Variants in ETV5 observed in about 807,000 individuals in gnomAD.
ETV5 encodes ETS translocation variant 5.
A neutral mutation model predicts 70.0 loss-of-function variants in ETV5; 10 were observed. That is an observed-to-expected ratio of 0.14 (90% CI 0.09 to 0.24). The LOEUF (loss-of-function observed/expected upper bound fraction) is 0.24. ETV5 is among the 10% of genes least tolerant of loss of function. The pLI is 1.00. For synonymous variants in ETV5, 216 were observed against 242.2 expected, an observed-to-expected ratio of 0.89 and a Z score of 1.01; for missense variants, 453 against 651.2, an observed-to-expected ratio of 0.70 and a Z score of 3.31.
At chr3:186,055,189 G>A (rs2150141735) in intron 11 of ETV5, among the ~76,000 whole-genome samples, 1 of 152,286 alleles carries the variant, frequency 6.6e-6, no homozygotes, top group Admixed American at 6.5e-5. Flanking sequence ...GCAGCTGGAC[G>A]GCCTGTGCTT....
At chr3:186,075,560 C>A (rs562477641) in intron 7 of ETV5, among the ~76,000 whole-genome samples, 1 of 152,284 alleles carries the variant, frequency 6.6e-6, no homozygotes, top group South Asian at 2.1e-4. Context: ...GAAAACTTAG[C>A]CCATCCCTTT....
chr3:186,048,873 A>T lies in ETV5; in HGVS notation c.1312-13T>A. The T allele has an allele frequency of 6.2e-7, 1 of 1,607,600 alleles. No homozygotes were observed. Among genetic ancestry groups the T allele is most frequent in the Non-Finnish European group, 8.5e-7 (1 of 1,175,084 alleles). ...GCTCTCCAGCCACCTGCGGGAGAAC[A>T]CACACCTTACAGGGCCCAGTTGGAA... On this transcript the variant is annotated splice_polypyrimidine_tract_variant and intron_variant, in intron 12 of 12. Transcript: ENST00000306376.
At chr3:186,094,351 C>T (rs1714254215) in intron 5 of ETV5, among the ~76,000 whole-genome samples, 2 of 152,154 alleles carry the variant, frequency 1.3e-5, no homozygotes, top group Non-Finnish European at 2.9e-5. Flanking sequence ...ATTCTCGGGA[C>T]AAAATTGCCT....
intron 7 of ETV5, among the ~76,000 whole-genome samples, chr3:186,071,812 C>T (rs569449572): frequency 2.5e-4 from 37 of 150,316 alleles, no homozygotes; most frequent in African/African-American, 8.0e-4. Flanking sequence ...ACCGTTTCAC[C>T]GTTGACATGG....
rs184522009 is a variant in ETV5, at chr3:186,048,733, G to T, written c.1439C>A (p.Thr480Asn). The change falls in exon 13 of 13, where the codon ACC (threonine) becomes AAC (asparagine). Residue 480 changes from threonine (T) to asparagine (N), a missense_variant. By Grantham distance (65) the Thr-to-Asn change is moderately conservative. This residue lies in a region of ETV5 where 74 missense variants were observed against 95.2 expected (regional missense o/e 0.78). Coordinates refer to ENST00000306376, the MANE Select transcript of ETV5 (RefSeq NM_004454.3). ...ESECHLSEED[T>N]LPLTHFEDSP... is the part of the protein sequence containing the mutation. ...GTCTTCAAAGTGGGTCAGCGGCAGG[G>T]TGTCCTCCTCGCTGAGGTGGCACTC... is the stretch of plus-strand genomic sequence containing the variant. 9.9e-6 allele frequency: 16 copies of T among 1,614,164 alleles called. No individual in the cohort carries two copies. In the Admixed American group the frequency reaches 2.5e-4, roughly 25 times the overall value.
At chr3:186,097,800 T>C (rs144176097) in intron 5 of ETV5, among the ~76,000 whole-genome samples, 2 of 152,346 alleles carry the variant, frequency 1.3e-5, no homozygotes, top group East Asian at 3.9e-4. Flanking sequence ...TTGGAGGCTC[T>C]CCAAGCTGCC....
intron 5 of ETV5, 71 bp from the exon 6 acceptor site, chr3:186,081,246 T>TG: frequency 2.0e-6 from 3 of 1,466,610 alleles, no homozygotes; most frequent in Non-Finnish European, 2.8e-6. Flanking sequence ...CAATGCTTCC[T>TG]TCTGCAAACC....
At chr3:186,053,407 G>A (rs781637753) in intron 11 of ETV5, among the ~76,000 whole-genome samples, 21 of 152,112 alleles carry the variant, frequency 1.4e-4, no homozygotes, top group African/African-American at 9.7e-5. Context: ...CGGCCCCTTC[G>A]ATATTTTAAA....
At chr3:186,085,866 ACT>A (rs1441119732) in intron 5 of ETV5, among the ~76,000 whole-genome samples, 1 of 151,590 alleles carries the variant, frequency 6.6e-6, no homozygotes, top group Non-Finnish European at 1.5e-5. Context: ...AAAAGATCTC[ACT>A]CTCCCTTCTA....
intron 7 of ETV5, among the ~76,000 whole-genome samples, chr3:186,069,649 C>T (rs931499931): frequency 3.3e-5 from 5 of 151,976 alleles, no homozygotes; most frequent in South Asian, 2.1e-4. Context: ...GTTCTCCTGC[C>T]GCAGCCTCCC....
chr3:186,048,531 A>C lies in ETV5; in HGVS notation c.*108T>G, dbSNP rs1036413190. The C allele has an allele frequency of 8.8e-6, 9 of 1,020,844 alleles. No individual in the cohort carries two copies. In the Admixed American group the frequency reaches 1.6e-4, roughly 18 times the overall value. 63.2% of individuals were successfully genotyped at this position (1,020,844 alleles called of 1,614,324 possible). A position where few individuals can be genotyped will look rare whatever the true frequency, so the allele number is the denominator to read the frequency against. On this transcript the variant is annotated 3_prime_UTR_variant, in exon 13 of 13. Coordinates refer to ENST00000306376, the MANE Select transcript of ETV5 (RefSeq NM_004454.3). ...AGCTTGGGTTCTCCAGATAATACTC[A>C]AAGGGCAAGCTTTAGGAACAACCAA...
Position 186,105,554 on chromosome 3 carries a change from A to C in ETV5, c.134-58T>G. The C allele has an allele frequency of 3.7e-6, 6 of 1,612,380 alleles. No homozygotes were observed. The highest frequency in any genetic ancestry group is 5.1e-6 in the Non-Finnish European group (6 of 1,178,456). Reference sequence around the variant, plus strand: ...ATATTTCTTTCGCTAGGGAGAAGACAGGGAAGAATCTACACGCTACTGTCA... The same window carrying C: ...ATATTTCTTTCGCTAGGGAGAAGACCGGGAAGAATCTACACGCTACTGTCA... On this transcript the variant is annotated intron_variant, in intron 3 of 12. Transcript: ENST00000306376. The surrounding 1 kb of genome is among the most constrained non-coding windows in gnomAD (Gnocchi z 4.5).
At chr3:186,080,150 A>T (rs768610720) in intron 6 of ETV5, 46 bp from the exon 7 acceptor site, 5 of 1,425,588 alleles carry the variant, frequency 3.5e-6, no homozygotes, top group Non-Finnish European at 9.2e-7. Flanking sequence ...AAATGAAGCC[A>T]TTAGCATGGT....
chr3:186,050,214 CA>C (rs371188244), intron 12 of ETV5, among the ~76,000 whole-genome samples: 77 of 152,248 alleles, frequency 5.1e-4, no homozygotes, highest in African/African-American at 1.7e-3. Context: ...TGACTTTCCT[CA>C]AATCATACAG....
intron 5 of ETV5, chr3:186,095,323 A>G (rs1032721232): frequency 1.3e-5 from 2 of 152,158 alleles, no homozygotes; most frequent in Non-Finnish European, 2.9e-5. Context: ...CCTGAAAGGA[A>G]AAAAAATTGC....
intron 7 of ETV5, chr3:186,079,444 T>C (rs757518909): frequency 3.9e-6 from 1 of 254,418 alleles, no homozygotes; most frequent in Non-Finnish European, 7.5e-6. Flanking sequence ...GAAATGGTAA[T>C]AACTGAAGTT....
At chr3:186,098,744 C>T (rs909912861) in intron 5 of ETV5, among the ~76,000 whole-genome samples, 52 of 152,200 alleles carry the variant, frequency 3.4e-4, no homozygotes, top group African/African-American at 1.1e-3. Flanking sequence ...CAAGGAAAAG[C>T]ATACTTCTTT....
At chr3:186,061,768 C>T (rs753490754) in intron 9 of ETV5, among the ~76,000 whole-genome samples, 1 of 152,230 alleles carries the variant, frequency 6.6e-6, no homozygotes, top group Non-Finnish European at 1.5e-5. Flanking sequence ...CCTACCAGGG[C>T]TCCTTTCCAT....
intron 9 of ETV5, among the ~76,000 whole-genome samples, chr3:186,063,603 G>T (rs1578541967): frequency 6.6e-6 from 1 of 152,212 alleles, no homozygotes; most frequent in Admixed American, 6.5e-5. Flanking sequence ...AAAAATAAAT[G>T]TTAGGATATG....
Sources: allele counts gnomAD v4.1 joint callset (sites outside exome capture counted in the v4.1 genomes callset), GRCh38; gene constraint gnomAD v4.1.1; regional missense constraint gnomAD v4.1.1; non-coding constraint Gnocchi (gnomAD v3.1); transcripts MANE v1.5; gene names NCBI Gene and HGNC (gene_info 2026-07-23, HGNC 2026-07-21).